LRFN5: variants seen among roughly 807,000 people sequenced by gnomAD.
LRFN5 encodes the protein leucine-rich repeat and fibronectin type-III domain-containing protein 5.
A neutral mutation model predicts 45.6 loss-of-function variants in LRFN5; 24 were observed. That is an observed-to-expected ratio of 0.53 (90% confidence interval 0.38 to 0.74). The LOEUF (loss-of-function observed/expected upper bound fraction) is 0.74, where lower values mean the gene tolerates loss of function less well. Ranked by LOEUF, LRFN5 falls within the 30% of genes least tolerant of loss-of-function variation. The pLI, the probability that LRFN5 is intolerant of heterozygous loss-of-function variation, is 0.00. For missense variants in LRFN5, 776 were observed against 861.5 expected (o/e 0.90, Z 1.24); for synonymous variants, 340 against 313.8 (o/e 1.08, Z -0.88).
intron 1 of LRFN5, among the ~76,000 whole-genome samples, chr14:41,673,048 A>G (rs541408268): frequency 6.7e-6 from 1 of 149,400 alleles, no homozygotes; most frequent in African/African-American, 2.5e-5. Context: ...TTATTTATTT[A>G]TTTTTTCACA....
At chr14:41,749,038 T>C (rs1416487368) in intron 1 of LRFN5, among the ~76,000 whole-genome samples, 2 of 152,008 alleles carry the variant, frequency 1.3e-5, no homozygotes, top group Admixed American at 6.6e-5. Flanking sequence ...CAGAGAATAA[T>C]TGGCAAACTC....
intron 1 of LRFN5, among the ~76,000 whole-genome samples, chr14:41,762,568 T>C (rs558979351): frequency 6.6e-5 from 10 of 152,270 alleles, no homozygotes; most frequent in African/African-American, 2.4e-4. Context: ...AGTGTTTATA[T>C]GAATTTCTGA....
rs1196059766 is a variant in LRFN5, at chr14:41,897,352, T to A, written c.2099-1565T>A. Among the ~76,000 whole-genome samples, 6 of 151,986 alleles carry A rather than the reference T, an allele frequency of 3.9e-5. No individual in the cohort carries two copies. In the South Asian group the frequency reaches 6.2e-4, roughly 16 times the overall value. The stretch of plus-strand genomic sequence containing the variant: ...TCACTGATTTCTCTGGTAAGTGTAA[T>A]GGTACACTTAGAATGATTGTCTTCT... On this transcript the variant is annotated intron_variant, in intron 4 of 5. Coordinates refer to ENST00000298119, the MANE Select transcript of LRFN5 (RefSeq NM_152447.5).
intron 2 of LRFN5, among the ~76,000 whole-genome samples, chr14:41,885,779 G>A (rs1310195462): frequency 1.3e-5 from 2 of 152,054 alleles, no homozygotes; most frequent in Non-Finnish European, 2.9e-5. Flanking sequence ...CACTTTGGGA[G>A]GCTGAAGCGG....
At chr14:41,648,348 A>AAAT (rs1360194339) in intron 1 of LRFN5, among the ~76,000 whole-genome samples, 1 of 152,122 alleles carries the variant, frequency 6.6e-6, no homozygotes, top group African/African-American at 2.4e-5. Flanking sequence ...AATGTTTTCA[A>AAAT]AATAATAATA....
intron 1 of LRFN5, among the ~76,000 whole-genome samples, chr14:41,676,159 G>A (rs1293971212): frequency 6.6e-6 from 1 of 152,194 alleles, no homozygotes; most frequent in Admixed American, 6.5e-5. Flanking sequence ...CCCCTTCAAT[G>A]ACTGTATCTT....
intron 1 of LRFN5, among the ~76,000 whole-genome samples, chr14:41,689,869 T>C (rs1299672270): frequency 8.4e-6 from 1 of 118,856 alleles, no homozygotes; most frequent in Non-Finnish European, 1.6e-5. Flanking sequence ...CACTTCCACC[T>C]GGGCCACAGA....
intron 2 of LRFN5, among the ~76,000 whole-genome samples, chr14:41,850,957 T>G (rs1005581599): frequency 2.0e-5 from 3 of 151,768 alleles, no homozygotes; most frequent in African/African-American, 7.2e-5. Flanking sequence ...AGTTAACAAG[T>G]GGGTAAGAAA....
At chr14:41,872,351 G>T (rs1294642945) in intron 2 of LRFN5, among the ~76,000 whole-genome samples, 1 of 152,166 alleles carries the variant, frequency 6.6e-6, no homozygotes, top group Non-Finnish European at 1.5e-5. Context: ...TAGACATATA[G>T]ACTTGAATGC....
At chr14:41,765,289 C>G (rs1227578050) in intron 1 of LRFN5, among the ~76,000 whole-genome samples, 1 of 150,482 alleles carries the variant, frequency 6.6e-6, no homozygotes, top group Non-Finnish European at 1.5e-5. Context: ...TTGCAGTGAG[C>G]CGAGATCGCG....
intron 2 of LRFN5, among the ~76,000 whole-genome samples, chr14:41,836,535 A>G (rs755512181): frequency 3.9e-5 from 6 of 152,198 alleles, no homozygotes; most frequent in African/African-American, 1.4e-4. Context: ...ATAGGACGCT[A>G]TAAGTAACTT....
At chr14:41,821,159 A>G (rs1269469079) in intron 2 of LRFN5, among the ~76,000 whole-genome samples, 23 of 151,976 alleles carry the variant, frequency 1.5e-4, no homozygotes, top group Non-Finnish European at 1.5e-5. Flanking sequence ...TAATAGAAGT[A>G]TGAAAGTGGG....
At chr14:41,710,729 C>A (rs1883247703) in intron 1 of LRFN5, among the ~76,000 whole-genome samples, 1 of 152,082 alleles carries the variant, frequency 6.6e-6, no homozygotes, top group African/African-American at 2.4e-5. Flanking sequence ...ATTAACTCGT[C>A]ATTTACATTA....
chr14:41,742,066 G>C (rs1187620743), intron 1 of LRFN5, among the ~76,000 whole-genome samples: 1 of 151,718 alleles, frequency 6.6e-6, no homozygotes, highest in Non-Finnish European at 1.5e-5. Flanking sequence ...CACTGTTGGG[G>C]CCAATGTAAA....
At position 41,762,358 on chromosome 14, in the gene LRFN5, A is replaced by C. The variant is rs151266935; in HGVS notation, c.-196-4496A>C. Among the ~76,000 whole-genome samples the C allele has an allele frequency of 9.7e-3, 1,479 of 152,220 alleles. 11 individuals are homozygous for C. Among genetic ancestry groups the C allele is most frequent in the Middle Eastern group, 0.024 (7 of 294 alleles). On this transcript the variant is annotated intron_variant, in intron 1 of 5. Transcript: ENST00000298119. ...AATGTGACATTTACATTAAGCAATA[A>C]ATGCTCTAGCAGTGTATTAATTTAT...
At chr14:41,721,271 G>T (rs773333362) in intron 1 of LRFN5, among the ~76,000 whole-genome samples, 13 of 152,138 alleles carry the variant, frequency 8.5e-5, no homozygotes, top group Non-Finnish European at 1.8e-4. Flanking sequence ...GTCATTGTGT[G>T]TGAGATGGGT....
At chr14:41,801,571 C>T (rs1887334416) in intron 2 of LRFN5, among the ~76,000 whole-genome samples, 2 of 152,092 alleles carry the variant, frequency 1.3e-5, no homozygotes, top group African/African-American at 4.8e-5. Flanking sequence ...CAGTGTTCTT[C>T]CATTTTTCTA....
At chr14:41,787,436 G>A (rs1031894853) in intron 2 of LRFN5, among the ~76,000 whole-genome samples, 2 of 151,876 alleles carry the variant, frequency 1.3e-5, no homozygotes, top group African/African-American at 4.8e-5. Context: ...TAATCTCATT[G>A]CTACTCTTTT....
chr14:41,872,527 T>A (rs985289069), intron 2 of LRFN5, among the ~76,000 whole-genome samples: 1 of 152,160 alleles, frequency 6.6e-6, no homozygotes, highest in Non-Finnish European at 1.5e-5. Flanking sequence ...GAAGAGTAAA[T>A]TCAAGGCAAT....
Sources: allele counts gnomAD v4.1 joint callset (sites outside exome capture counted in the v4.1 genomes callset), GRCh38; gene constraint gnomAD v4.1.1; transcripts MANE v1.5; gene names NCBI Gene and HGNC (gene_info 2026-07-23, HGNC 2026-07-21).